GRID2: variants seen among roughly 807,000 people sequenced by gnomAD.
GRID2 encodes glutamate ionotropic receptor delta type subunit 2, also known as glutamate receptor ionotropic, delta-2.
A neutral mutation model predicts 114.8 loss-of-function variants in GRID2; 33 were observed. That is an observed-to-expected ratio of 0.29 (90% CI 0.22 to 0.38). The LOEUF (loss-of-function observed/expected upper bound fraction) is 0.38, where lower values mean the gene tolerates loss of function less well. Among genes scored for constraint, GRID2 ranks in the 10% least tolerant of loss-of-function variants. The probability of loss-of-function intolerance (pLI) is 1.00; values close to 1 mark genes in which losing one functional copy is unlikely to be tolerated. For synonymous variants in GRID2, 505 were observed against 449.9 expected, an observed-to-expected ratio of 1.12 and a Z score of -1.55; for missense variants, 1,184 against 1,257.7, an observed-to-expected ratio of 0.94 and a Z score of 0.89.
intron 1 of GRID2, among the ~76,000 whole-genome samples, chr4:92,436,397 A>C (rs1732735654): frequency 6.6e-6 from 1 of 152,298 alleles, no homozygotes; most frequent in Non-Finnish European, 1.5e-5. Context: ...CATTTTCAAT[A>C]TTAAATTATA....
At chr4:93,534,645 A>C (rs530296776) in intron 13 of GRID2, among the ~76,000 whole-genome samples, 1 of 152,142 alleles carries the variant, frequency 6.6e-6, no homozygotes, top group African/African-American at 2.4e-5. Flanking sequence ...CCCCCAAAAA[A>C]TTAAACAAAA....
At chr4:93,442,303 G>T (rs1228954022) in intron 10 of GRID2, among the ~76,000 whole-genome samples, 1 of 152,028 alleles carries the variant, frequency 6.6e-6, no homozygotes, top group Non-Finnish European at 1.5e-5. Context: ...TTGCCCATAA[G>T]CAGCCTTCAG....
intron 2 of GRID2, among the ~76,000 whole-genome samples, chr4:93,006,587 G>T (rs915404076): frequency 4.1e-5 from 6 of 147,192 alleles, no homozygotes; most frequent in African/African-American, 1.5e-4. Context: ...AAAATTAAAG[G>T]CCCTACTGAA....
intron 13 of GRID2, among the ~76,000 whole-genome samples, chr4:93,575,741 T>A (rs1485614779): frequency 6.6e-5 from 10 of 152,132 alleles, no homozygotes; most frequent in Non-Finnish European, 1.0e-4. Flanking sequence ...TTGTATCTGA[T>A]CTCTCATCCA....
At chr4:92,334,831 A>G (rs947371982) in intron 1 of GRID2, among the ~76,000 whole-genome samples, 2 of 152,200 alleles carry the variant, frequency 1.3e-5, no homozygotes, top group African/African-American at 4.8e-5. Flanking sequence ...CAGCCTGACA[A>G]CAAAGCCAGC....
intron 4 of GRID2, among the ~76,000 whole-genome samples, chr4:93,193,341 C>A (rs1484791322): frequency 1.3e-5 from 2 of 152,072 alleles, no homozygotes; most frequent in Admixed American, 1.3e-4. Context: ...TTCCCATAAT[C>A]CCCACGTGTC....
intron 2 of GRID2, among the ~76,000 whole-genome samples, chr4:92,803,887 T>C (rs183788316): frequency 2.0e-5 from 3 of 152,024 alleles, no homozygotes; most frequent in East Asian, 3.9e-4. Context: ...GAAATCAGGA[T>C]GTCAGTAGAG....
rs1198967017 is a variant in GRID2, at chr4:93,616,820, A to G, written c.2194-9449A>G. Among the ~76,000 whole-genome samples, 4 of 151,272 alleles carry G rather than the reference A, an allele frequency of 2.6e-5. No homozygotes were observed. The East Asian group carries it at 5.9e-4, about 22-fold the overall frequency. On this transcript the variant is annotated intron_variant, in intron 13 of 15. Transcript: ENST00000282020. ...ATCCTGGCTAACATAGTGAAACCCC[A>G]TCTCTACTAAACAAAATACAAAAAA...
At chr4:93,054,238 A>C (rs1727005656) in intron 2 of GRID2, among the ~76,000 whole-genome samples, 1 of 152,086 alleles carries the variant, frequency 6.6e-6, no homozygotes, top group Non-Finnish European at 1.5e-5. Context: ...AAAAAATTTT[A>C]ATAACTGAAT....
chr4:93,157,369 A>G (rs2149403679), intron 4 of GRID2, among the ~76,000 whole-genome samples: 1 of 151,814 alleles, frequency 6.6e-6, no homozygotes, highest in East Asian at 1.9e-4. Context: ...TGTCCTATTT[A>G]ATGTAGTTTT....
At chr4:93,588,617 C>T (rs1206182253) in intron 13 of GRID2, among the ~76,000 whole-genome samples, 1 of 152,098 alleles carries the variant, frequency 6.6e-6, no homozygotes, top group Non-Finnish European at 1.5e-5. Context: ...TCATACCCAC[C>T]CAGCTTCTCC....
intron 14 of GRID2, among the ~76,000 whole-genome samples, chr4:93,670,478 T>A (rs2149751615): frequency 6.6e-6 from 1 of 152,320 alleles, no homozygotes; most frequent in African/African-American, 2.4e-5. Context: ...GATCTTGACA[T>A]TTTAACTTGG....
chr4:93,422,738 T>C, intron 9 of GRID2, 33 bp from the exon 10 acceptor site: 1 of 1,360,684 alleles, frequency 7.3e-7, no homozygotes, highest in Non-Finnish European at 1.1e-6. Context: ...GCACTATAGA[T>C]TGACATCAGA....
chr4:92,783,484 G>A (rs1739179394), intron 2 of GRID2, among the ~76,000 whole-genome samples: 1 of 151,992 alleles, frequency 6.6e-6, no homozygotes, highest in Admixed American at 6.6e-5. Context: ...AATTTTTTAT[G>A]TGAATTAATT....
At chr4:93,176,103 G>A (rs1739323894) in intron 4 of GRID2, among the ~76,000 whole-genome samples, 1 of 152,250 alleles carries the variant, frequency 6.6e-6, no homozygotes, top group South Asian at 2.1e-4. Flanking sequence ...AAGCAAATGG[G>A]TATTTTAGTA....
rs563261098 is a variant in GRID2 at position 93,370,415 on chromosome 4, A to G, written c.1246-25192A>G. ...AACACACACAAACACACACACACAA[A>G]CACACACAAACACGCACACACAGGC... On this transcript the variant is annotated intron_variant, in intron 8 of 15. Transcript: ENST00000282020. Among the ~76,000 whole-genome samples, 969 of 147,998 alleles carry G rather than the reference A, an allele frequency of 6.5e-3. 4 individuals carry two copies. The highest frequency in any genetic ancestry group is 9.7e-3 in the Non-Finnish European group (655 of 67,652).
chr4:93,706,702 T>A (rs1728030342), intron 14 of GRID2, among the ~76,000 whole-genome samples: 1 of 152,202 alleles, frequency 6.6e-6, no homozygotes, highest in Non-Finnish European at 1.5e-5. Flanking sequence ...GGATGCCCTG[T>A]ATTTCTTTCT....
At chr4:92,683,081 C>G (rs1733725219) in intron 2 of GRID2, among the ~76,000 whole-genome samples, 1 of 152,118 alleles carries the variant, frequency 6.6e-6, no homozygotes. Context: ...GGGCGGATCA[C>G]AAGGTCAGGG....
intron 2 of GRID2, among the ~76,000 whole-genome samples, chr4:92,858,200 G>A (rs975290076): frequency 6.6e-6 from 1 of 152,148 alleles, no homozygotes; most frequent in African/African-American, 2.4e-5. Flanking sequence ...CTGAAGAACT[G>A]AGTAGTAATT....
Sources: allele counts gnomAD v4.1 joint callset (sites outside exome capture counted in the v4.1 genomes callset), GRCh38; gene constraint gnomAD v4.1.1; transcripts MANE v1.5; gene names NCBI Gene and HGNC (gene_info 2026-07-23, HGNC 2026-07-21).